LRRTM4: variants seen among roughly 807,000 people sequenced by gnomAD.
LRRTM4 encodes the protein leucine rich repeat transmembrane neuronal 4.
LRRTM4 carries 25 observed loss-of-function variants against 47.6 expected under a neutral mutation model. The ratio of observed to expected loss-of-function variants is 0.53; its 90% CI spans 0.38 to 0.73. The LOEUF is 0.73. Ranked by LOEUF, LRRTM4 falls within the 30% of genes least tolerant of loss-of-function variation. The pLI is 0.00. For missense variants in LRRTM4, 638 were observed against 713.4 expected, an observed-to-expected ratio of 0.89 and a Z score of 1.20; for synonymous variants, 311 against 269.5, an observed-to-expected ratio of 1.15 and a Z score of -1.51.
At chr2:76,908,568 T>A (rs200114948) in intron 3 of LRRTM4, among the ~76,000 whole-genome samples, 17,679 of 152,024 alleles carry the variant, frequency 0.12, 1,441 homozygotes, top group East Asian at 0.46. Flanking sequence ...TGTTTGCAGA[T>A]GACATGATTG....
At chr2:76,775,709 T>A (rs1286513658) in intron 3 of LRRTM4, among the ~76,000 whole-genome samples, 1 of 152,174 alleles carries the variant, frequency 6.6e-6, no homozygotes, top group Non-Finnish European at 1.5e-5. Flanking sequence ...AGTTAGCCTA[T>A]CCCTTCCTAT....
At chr2:77,154,009 C>T (rs575606809) in intron 3 of LRRTM4, among the ~76,000 whole-genome samples, 1 of 152,154 alleles carries the variant, frequency 6.6e-6, no homozygotes, top group Non-Finnish European at 1.5e-5. Context: ...CTGAGTACTG[C>T]TCTTAGTATT....
At chr2:76,910,846 C>T (rs978426105) in intron 3 of LRRTM4, among the ~76,000 whole-genome samples, 1 of 152,114 alleles carries the variant, frequency 6.6e-6, no homozygotes, top group Non-Finnish European at 1.5e-5. Flanking sequence ...GTCATTAGAG[C>T]CTATCTGTCT....
chr2:76,784,180 T>C (rs1674549629), intron 3 of LRRTM4, among the ~76,000 whole-genome samples: 1 of 152,108 alleles, frequency 6.6e-6, no homozygotes, highest in Admixed American at 6.5e-5. Context: ...AAAGGAAGCA[T>C]AGGTACCACT....
intron 3 of LRRTM4, among the ~76,000 whole-genome samples, chr2:76,915,531 T>C (rs1284235475): frequency 2.0e-5 from 3 of 152,312 alleles, no homozygotes; most frequent in South Asian, 2.1e-4. Context: ...TTGAATGTTC[T>C]TGGACCTACC....
intron 3 of LRRTM4, among the ~76,000 whole-genome samples, chr2:77,008,071 G>A (rs938864318): frequency 1.3e-5 from 2 of 152,166 alleles, no homozygotes; most frequent in Non-Finnish European, 2.9e-5. Context: ...AACAACTGTA[G>A]CATCCTGTTG....
intron 3 of LRRTM4, among the ~76,000 whole-genome samples, chr2:76,900,067 A>G (rs1673570650): frequency 6.6e-6 from 1 of 152,076 alleles, no homozygotes; most frequent in Admixed American, 6.6e-5. Flanking sequence ...AGTCTCTACT[A>G]AAAATACAAA....
chr2:77,126,176 TTA>T (rs1671648496), intron 3 of LRRTM4, among the ~76,000 whole-genome samples: 1 of 151,994 alleles, frequency 6.6e-6, no homozygotes, highest in Admixed American at 6.6e-5. Flanking sequence ...CACTGTACCT[TTA>T]TGTTGTAAAA....
chr2:77,437,250 T>C (rs201778685), intron 3 of LRRTM4, among the ~76,000 whole-genome samples: 2 of 152,072 alleles, frequency 1.3e-5, no homozygotes, highest in East Asian at 3.8e-4. Flanking sequence ...CATGAAATTT[T>C]GAGCTTATTA....
intron 3 of LRRTM4, among the ~76,000 whole-genome samples, chr2:77,168,169 T>C (rs929500741): frequency 6.6e-6 from 1 of 152,176 alleles, no homozygotes; most frequent in Non-Finnish European, 1.5e-5. Flanking sequence ...CATTCATATG[T>C]TCTGTAATTT....
chr2:76,808,529 A>G (rs1013334802), intron 3 of LRRTM4, among the ~76,000 whole-genome samples: 5 of 152,078 alleles, frequency 3.3e-5, no homozygotes, highest in African/African-American at 7.2e-5. Context: ...CACAATCACA[A>G]TTTTGGGGGT....
intron 3 of LRRTM4, among the ~76,000 whole-genome samples, chr2:76,774,724 T>C (rs1014637880): frequency 6.6e-6 from 1 of 152,148 alleles, no homozygotes; most frequent in Non-Finnish European, 1.5e-5. Context: ...TGTAACTTTA[T>C]GGAAACACAT....
At chr2:76,759,062 A>C (rs1471191627) in intron 3 of LRRTM4, among the ~76,000 whole-genome samples, 1 of 152,168 alleles carries the variant, frequency 6.6e-6, no homozygotes, top group African/African-American at 2.4e-5. Flanking sequence ...CCATTAAAAA[A>C]ACTAAAATCA....
chr2:76,885,761 GGCC>G (rs1673056783), intron 3 of LRRTM4, among the ~76,000 whole-genome samples: 1 of 151,884 alleles, frequency 6.6e-6, no homozygotes, highest in Admixed American at 6.6e-5. Flanking sequence ...CACCGCGCCC[GGCC>G]AAAAACATAC....
chr2:77,006,896 C>T (rs569478121), intron 3 of LRRTM4, among the ~76,000 whole-genome samples: 1 of 152,080 alleles, frequency 6.6e-6, no homozygotes, highest in Non-Finnish European at 1.5e-5. Flanking sequence ...CAGAGGACAG[C>T]AGTTGTACCA....
chr2:77,298,793 A>T (rs1677043623), intron 3 of LRRTM4, among the ~76,000 whole-genome samples: 1 of 152,214 alleles, frequency 6.6e-6, no homozygotes, highest in Admixed American at 6.5e-5. Flanking sequence ...ATCATTAGAG[A>T]GGAAAAATAA....
chr2:76,878,919 A>G (rs1387366953), intron 3 of LRRTM4, among the ~76,000 whole-genome samples: 3 of 152,156 alleles, frequency 2.0e-5, no homozygotes, highest in African/African-American at 7.2e-5. Context: ...ATATGAAGAA[A>G]TTTTAGTGGC....
chr2:76,868,819 TG>T (rs960963143), intron 3 of LRRTM4, among the ~76,000 whole-genome samples: 5 of 152,192 alleles, frequency 3.3e-5, no homozygotes, highest in African/African-American at 1.2e-4. Flanking sequence ...AGAACTTTTC[TG>T]GGCAGTCTTT....
At chr2:77,187,804 T>C (rs879371452) in intron 3 of LRRTM4, among the ~76,000 whole-genome samples, 2 of 152,002 alleles carry the variant, frequency 1.3e-5, no homozygotes, top group Non-Finnish European at 2.9e-5. Context: ...TACACAAGCA[T>C]GCAGATTAAA....
Sources: allele counts gnomAD v4.1 joint callset (sites outside exome capture counted in the v4.1 genomes callset), GRCh38; gene constraint gnomAD v4.1.1; transcripts MANE v1.5; gene names NCBI Gene and HGNC (gene_info 2026-07-23, HGNC 2026-07-21).